Variants in C12orf56 observed in about 807,000 individuals in gnomAD.
C12orf56 encodes uncharacterized protein C12orf56.
A neutral mutation model predicts 69.9 loss-of-function variants in C12orf56; 71 were observed. That is an observed-to-expected ratio of 1.02 (90% CI 0.84 to 1.24). The LOEUF is 1.24. Ranked by LOEUF, C12orf56 falls within the 50% of genes most tolerant of loss-of-function variation. The pLI is 0.00. For missense variants in C12orf56, 732 were observed against 738.5 expected, an observed-to-expected ratio of 0.99 and a Z score of 0.10; for synonymous variants, 276 against 274.1, an observed-to-expected ratio of 1.01 and a Z score of -0.07.
At chr12:64,338,487 T>A (rs878932508) in intron 2 of C12orf56, 1 of 944,500 alleles carries the variant, frequency 1.1e-6, no homozygotes, top group South Asian at 1.3e-5. Context: ...CAACAAACAA[T>A]CATTCAGGGC....
chr12:64,286,071 A>G lies in C12orf56; in HGVS notation c.1114-11T>C. On this transcript the variant is annotated splice_polypyrimidine_tract_variant and intron_variant, in intron 6 of 12. Transcript: ENST00000543942. ...GAAAAGGTCACTGGTCTGTGAAAGC[A>G]AGTTGGAAAAAAAGACAGTAATTAA... 6.6e-7 allele frequency: 1 copy of G among 1,523,046 alleles called. No individual in the cohort carries two copies. The highest frequency in any genetic ancestry group is 9.0e-7 in the Non-Finnish European group (1 of 1,110,854). The allele number at this position is 1,523,046 out of a possible 1,614,324, so 94.3% of individuals were successfully genotyped here.
At chr12:64,298,183 T>C (rs1169232093) in intron 6 of C12orf56, among the ~76,000 whole-genome samples, 1 of 152,154 alleles carries the variant, frequency 6.6e-6, no homozygotes, top group African/African-American at 2.4e-5. Flanking sequence ...AAATGTCTTC[T>C]TTTGAGAAGT....
chr12:64,287,202 C>T (rs1268247781), intron 6 of C12orf56, among the ~76,000 whole-genome samples: 5 of 143,878 alleles, frequency 3.5e-5, no homozygotes, highest in Non-Finnish European at 7.5e-5. Context: ...TGGGATTGCG[C>T]CACTGCACTC....
intron 3 of C12orf56, among the ~76,000 whole-genome samples, chr12:64,328,929 G>T (rs7488673): frequency 0.45 from 67,359 of 150,386 alleles, 15,410 homozygotes; most frequent in African/African-American, 0.54. Context: ...GACAGGCGTG[G>T]TGGTGGGCAC....
chr12:64,374,241 C>T (rs79031632), intron 1 of C12orf56, among the ~76,000 whole-genome samples: 4,552 of 152,234 alleles, frequency 0.03, 115 homozygotes, highest in Non-Finnish European at 0.047. Context: ...ATCATTGCCT[C>T]GGGGTCTGGA....
In C12orf56 at chr12:64,272,284, C is replaced by A. The variant is rs547650750; in HGVS notation, c.1585-1570G>T. Among the ~76,000 whole-genome samples the A allele has an allele frequency of 1.1e-4, 17 of 152,214 alleles. No homozygotes were observed. In the South Asian group the frequency reaches 3.5e-3, roughly 32 times the overall value. ...CTTTAGGAGGCCGAAGTGGGAGGAT[C>A]TCCTGAGGTCAGGAGTTTGAGACCA... On this transcript the variant is annotated intron_variant, in intron 11 of 12. Coordinates refer to ENST00000543942, the MANE Select transcript of C12orf56 (RefSeq NM_001170633.2).
intron 5 of C12orf56, among the ~76,000 whole-genome samples, chr12:64,304,339 C>A (rs1256986149): frequency 1.3e-5 from 2 of 152,124 alleles, no homozygotes; most frequent in Non-Finnish European, 2.9e-5. Flanking sequence ...ATCAGCCTAG[C>A]TGGAAAAAGG....
At chr12:64,327,179 A>T (rs989242181) in intron 3 of C12orf56, among the ~76,000 whole-genome samples, 2 of 135,068 alleles carry the variant, frequency 1.5e-5, no homozygotes, top group African/African-American at 5.9e-5. Context: ...CTCCATAACT[A>T]TAAGAAATAC....
At chr12:64,388,700 A>AC (rs1283730425) in intron 1 of C12orf56, among the ~76,000 whole-genome samples, 1 of 152,134 alleles carries the variant, frequency 6.6e-6, no homozygotes, top group Non-Finnish European at 1.5e-5. Context: ...ACAAAAAAAA[A>AC]TTTTTAATTA....
chr12:64,330,670 A>G (rs1170799861), intron 3 of C12orf56, among the ~76,000 whole-genome samples: 2 of 152,238 alleles, frequency 1.3e-5, no homozygotes, highest in Middle Eastern at 3.2e-3. Flanking sequence ...TGCCCTACAC[A>G]GAACCAGAGC....
chr12:64,266,731 A>C lies in C12orf56; in HGVS notation c.*452T>G, dbSNP rs994249792. The C allele has an allele frequency of 2.6e-6, 1 of 380,460 alleles. No homozygotes were observed. The highest frequency in any genetic ancestry group is 2.1e-5 in the African/African-American group (1 of 47,596). 23.6% of individuals were successfully genotyped at this position (380,460 alleles called of 1,614,324 possible). On this transcript the variant is annotated 3_prime_UTR_variant, in exon 13 of 13. Transcript: ENST00000543942. The stretch of plus-strand genomic sequence containing the variant: ...CACCTTGAGAAGAACTTGAATGCCC[A>C]TGCCTCAGGCCCCCACACTCCCCGG...
intron 1 of C12orf56, among the ~76,000 whole-genome samples, chr12:64,355,245 T>A (rs1359145658): frequency 2.0e-5 from 3 of 152,100 alleles, no homozygotes; most frequent in Admixed American, 6.5e-5. Context: ...ATTTATAAAA[T>A]CTAAATCAAA....
At chr12:64,364,378 T>C (rs1177805385) in intron 1 of C12orf56, among the ~76,000 whole-genome samples, 1 of 152,196 alleles carries the variant, frequency 6.6e-6, no homozygotes, top group Non-Finnish European at 1.5e-5. Context: ...TTGGACCAGA[T>C]AGGTTTATCC....
Position 64,390,494 on chromosome 12 carries a change from A to C in C12orf56, c.72T>G (p.His24Gln), listed in dbSNP as rs1445182527. ...NSRLDVFLRR[H>Q]LPPEVYDAVR... ...CCGCGTCGTAGACCTCGGGCGGCAG[A>C]TGCCGCCGCAGGAACACATCCAGGC... The change falls in exon 1 of 13, where the codon CAT (histidine) becomes CAG (glutamine). Residue 24 changes from histidine (H) to glutamine (Q), a missense_variant. His to Gln is a conservative substitution (Grantham distance 24). Transcript: ENST00000543942. The C allele has an allele frequency of 1.9e-6, 3 of 1,602,012 alleles. No homozygotes were observed. The highest frequency in any genetic ancestry group is 2.5e-6 in the Non-Finnish European group (3 of 1,179,552).
At chr12:64,270,978 C>T (rs2037981850) in intron 11 of C12orf56, among the ~76,000 whole-genome samples, 1 of 151,810 alleles carries the variant, frequency 6.6e-6, no homozygotes, top group Admixed American at 6.6e-5. Flanking sequence ...TCAGCCTGAC[C>T]AACATGGTGG....
At chr12:64,337,327 C>T (rs74495739) in intron 2 of C12orf56, among the ~76,000 whole-genome samples, 2,285 of 152,254 alleles carry the variant, frequency 0.015, 53 homozygotes, top group African/African-American at 0.052. Context: ...AGCACAGACC[C>T]CACAGGTTAA....
intron 5 of C12orf56, 62 bp downstream of exon 5, chr12:64,312,617 G>A (rs1306549376): frequency 1.6e-6 from 2 of 1,249,946 alleles, no homozygotes; most frequent in African/African-American, 1.5e-5. Context: ...TCAAAAAAAA[G>A]GAGAGGCAAA....
chr12:64,275,310 C>A lies in C12orf56; in HGVS notation c.1497G>T (p.Leu499=), dbSNP rs1002392. The A allele has an allele frequency of 0.76, 1,065,522 of 1,402,162 alleles. 410,382 individuals carry two copies. Among genetic ancestry groups the A allele is most frequent in the Non-Finnish European group, 0.79 (834,736 of 1,052,784 alleles). The allele number at this position is 1,402,162 out of a possible 1,614,324, so 86.9% of individuals were successfully genotyped here. A position where few individuals can be genotyped will look rare whatever the true frequency, so the allele number is the denominator to read the frequency against. ...TATALLYEIL[L]VFQQGNLGLG... ...TTAAAAATTGTACCTGCTGAAAGACCAGAAGTATCTCATATAAAAGTGCTG... is the reference window on the plus strand; with the variant it reads ...TTAAAAATTGTACCTGCTGAAAGACAAGAAGTATCTCATATAAAAGTGCTG... The change falls in exon 10 of 13, where the codon CTG becomes CTT. Residue 499 remains leucine (L), a synonymous_variant. Coordinates refer to ENST00000543942, the MANE Select transcript of C12orf56 (RefSeq NM_001170633.2).
In C12orf56 at chr12:64,308,928, G is replaced by GAAA. The variant is rs1304575169; in HGVS notation, c.968+3748_968+3750dup. On this transcript the variant is annotated intron_variant, in intron 5 of 12. Transcript: ENST00000543942. ...AGAAAGAAAGAAAGAAAGAAAGAAA[G>GAAA]AAAGAAAGAAAGAAGAAAGAAAGAA... Among the ~76,000 whole-genome samples the GAAA allele has an allele frequency of 3.7e-3, 139 of 38,042 alleles. 3 individuals carry two copies. The highest frequency in any genetic ancestry group is 0.011 in the African/African-American group (114 of 10,592). The allele number at this position is 38,042 out of a possible 152,430, so 25.0% of individuals were successfully genotyped here. A position where few individuals can be genotyped will look rare whatever the true frequency, so the allele number is the denominator to read the frequency against.
Sources: allele counts gnomAD v4.1 joint callset (sites outside exome capture counted in the v4.1 genomes callset), GRCh38; gene constraint gnomAD v4.1.1; transcripts MANE v1.5; gene names NCBI Gene and HGNC (gene_info 2026-07-23, HGNC 2026-07-21).